The following PRDM16 variants were observed in gnomAD, a reference collection of about 807,000 sequenced individuals.
PRDM16 encodes PR/SET domain 16, also known as histone-lysine N-methyltransferase PRDM16.
A neutral mutation model predicts 110.6 loss-of-function variants in PRDM16; 23 were observed. That is an observed-to-expected ratio of 0.21 (90% CI 0.15 to 0.29). PRDM16 has a LOEUF of 0.29. PRDM16 is among the 10% of genes least tolerant of loss of function. The probability of loss-of-function intolerance (pLI) is 1.00; values close to 1 mark genes in which losing one functional copy is unlikely to be tolerated. For missense variants in PRDM16, 1,615 were observed against 1,794.3 expected (o/e 0.90, Z 1.81); for synonymous variants, 799 against 781.8 (o/e 1.02, Z -0.37).
At chr1:3,127,660 C>T (rs1028337492) in intron 1 of PRDM16, among the ~76,000 whole-genome samples, 5 of 152,386 alleles carry the variant, frequency 3.3e-5, no homozygotes, top group South Asian at 2.1e-4. Context: ...GTGCCCAGGA[C>T]AGTAGGACGA....
chr1:3,349,306 A>G (rs1642430212), intron 3 of PRDM16, among the ~76,000 whole-genome samples: 4 of 152,120 alleles, frequency 2.6e-5, no homozygotes. Context: ...ACGGGGCCGC[A>G]CCGGCACGCT....
chr1:3,181,854 ACACACG>A (rs1644210463), intron 1 of PRDM16, among the ~76,000 whole-genome samples: 1 of 96,534 alleles, frequency 1.0e-5, no homozygotes, highest in South Asian at 3.5e-4. Flanking sequence ...ACACGGTCTT[ACACACG>A]CAGTCTTACA....
chr1:3,292,288 G>T (rs1640992411), intron 3 of PRDM16, among the ~76,000 whole-genome samples: 1 of 152,260 alleles, frequency 6.6e-6, no homozygotes, highest in South Asian at 2.1e-4. Flanking sequence ...CCAGAGCAGA[G>T]CCGAGGTGAT....
At chr1:3,146,154 G>C (rs538983809) in intron 1 of PRDM16, among the ~76,000 whole-genome samples, 8 of 152,176 alleles carry the variant, frequency 5.3e-5, no homozygotes, top group African/African-American at 1.9e-4. Flanking sequence ...TCCAGCCCCC[G>C]CACATTTGGG....
At chr1:3,291,816 G>T (rs966369499) in intron 3 of PRDM16, among the ~76,000 whole-genome samples, 6 of 152,222 alleles carry the variant, frequency 3.9e-5, no homozygotes, top group Admixed American at 3.9e-4. Flanking sequence ...GACCCACTGG[G>T]TTGGACATAG....
rs773273847 is a variant in PRDM16 at position 3,069,320 on chromosome 1, GCC to G, written c.37+25_37+26del. ...AAGTAAGTCTCCCGCGCTCGGCCGCGCCGCGCCGCCGGGGCCCGGGCCGCCGG... is the reference window on the plus strand; with the variant it reads ...AAGTAAGTCTCCCGCGCTCGGCCGCGGCGCCGCCGGGGCCCGGGCCGCCGG... On this transcript the variant is annotated intron_variant, in intron 1 of 16. Transcript: ENST00000270722. This position sits in a 1 kb window ranked among gnomAD's most constrained non-coding sequence, Gnocchi z 6.1. 1.6e-6 allele frequency: 2 copies of G among 1,274,256 alleles called. No homozygotes were observed. Among genetic ancestry groups the G allele is most frequent in the Non-Finnish European group, 2.0e-6 (2 of 985,312 alleles). The allele number at this position is 1,274,256 out of a possible 1,614,324, so 78.9% of individuals were successfully genotyped here. A position where few individuals can be genotyped will look rare whatever the true frequency, so the allele number is the denominator to read the frequency against.
At chr1:3,155,217 G>C (rs1190836825) in intron 1 of PRDM16, among the ~76,000 whole-genome samples, 1 of 152,256 alleles carries the variant, frequency 6.6e-6, no homozygotes, top group Non-Finnish European at 1.5e-5. Flanking sequence ...GAGGCGTCCA[G>C]AGCTGGCTCA....
chr1:3,402,796 C>G lies in PRDM16; in HGVS notation c.682C>G (p.Pro228Ala), dbSNP rs1182820916. The change falls in exon 6 of 17, where the codon CCC becomes GCC. Residue 228 changes from proline (P) to alanine (A), a missense_variant. By Grantham distance (27) the Pro-to-Ala change is conservative. Coordinates refer to ENST00000270722, the MANE Select transcript of PRDM16 (RefSeq NM_022114.4). ...GTVPPGLDEE[P>A]TFRCDECDEL... ...CCTCGTTCTCTCTCTTGCAGAGGAG[C>G]CCACGTTCCGCTGTGACGAGTGTGA... 2 of 1,610,614 alleles carry G rather than the reference C, an allele frequency of 1.2e-6. No individual in the cohort carries two copies. Among genetic ancestry groups the G allele is most frequent in the Non-Finnish European group, 1.7e-6 (2 of 1,177,932 alleles).
chr1:3,216,263 C>A (rs1423999920), intron 2 of PRDM16, among the ~76,000 whole-genome samples: 1 of 152,104 alleles, frequency 6.6e-6, no homozygotes, highest in African/African-American at 2.4e-5. Context: ...AGATGCTGAA[C>A]CAGCCATGTT....
chr1:3,222,234 C>G (rs1318667863), intron 2 of PRDM16, among the ~76,000 whole-genome samples: 1 of 148,750 alleles, frequency 6.7e-6, no homozygotes, highest in Non-Finnish European at 1.5e-5. Flanking sequence ...ACCCACCCAG[C>G]CCAGCCTCCC....
At chr1:3,270,879 G>C (rs1640437343) in intron 3 of PRDM16, among the ~76,000 whole-genome samples, 2 of 151,932 alleles carry the variant, frequency 1.3e-5, no homozygotes, top group African/African-American at 4.8e-5. Flanking sequence ...GACAGTCCAG[G>C]AGGAGGACCG....
At chr1:3,226,776 C>T (rs1034581799) in intron 2 of PRDM16, among the ~76,000 whole-genome samples, 17 of 152,166 alleles carry the variant, frequency 1.1e-4, no homozygotes, top group African/African-American at 3.6e-4. Flanking sequence ...TGCACGCCTT[C>T]GCAGGACTGG....
intron 14 of PRDM16, 65 bp from the exon 15 acceptor site, chr1:3,430,806 CT>C (rs1245716553): frequency 6.3e-7 from 1 of 1,579,846 alleles, no homozygotes; most frequent in East Asian, 2.2e-5. Flanking sequence ...AGTCACCAGC[CT>C]TTGGGGGTCC....
chr1:3,103,992 C>G (rs758824019), intron 1 of PRDM16, among the ~76,000 whole-genome samples: 1 of 152,240 alleles, frequency 6.6e-6, no homozygotes, highest in Non-Finnish European at 1.5e-5. Flanking sequence ...TAAAACCCAG[C>G]AGCTTTCCAT....
chr1:3,280,177 G>A (rs375512236), intron 3 of PRDM16, among the ~76,000 whole-genome samples: 16 of 152,292 alleles, frequency 1.1e-4, no homozygotes, highest in East Asian at 3.9e-4. Context: ...TGGCTGCCCC[G>A]AGCTGGTCAC....
At chr1:3,345,619 A>G (rs1642344655) in intron 3 of PRDM16, among the ~76,000 whole-genome samples, 1 of 152,186 alleles carries the variant, frequency 6.6e-6, no homozygotes, top group African/African-American at 2.4e-5. Flanking sequence ...GGCAAATCCC[A>G]TGTTCTTCCC....
At chr1:3,408,692 G>A (rs1643606515) in intron 8 of PRDM16, among the ~76,000 whole-genome samples, 1 of 150,468 alleles carries the variant, frequency 6.6e-6, no homozygotes, top group African/African-American at 2.4e-5. Flanking sequence ...ACGTGAGCCG[G>A]TGCATGTGTT....
intron 3 of PRDM16, among the ~76,000 whole-genome samples, chr1:3,326,378 T>C (rs1641910307): frequency 6.6e-6 from 1 of 152,252 alleles, no homozygotes; most frequent in African/African-American, 2.4e-5. Flanking sequence ...AAGATGCTTT[T>C]TCCAGAAAAG....
At chr1:3,075,111 C>T (rs762995985) in intron 1 of PRDM16, among the ~76,000 whole-genome samples, 4 of 152,238 alleles carry the variant, frequency 2.6e-5, no homozygotes, top group Non-Finnish European at 4.4e-5. Context: ...CCCGCCTGGC[C>T]GGCCTAGCCT....
Sources: gnomAD v4.1 joint callset for allele counts (sites outside exome capture counted in the v4.1 genomes callset) on GRCh38, gnomAD v4.1.1 for gene constraint, Gnocchi (gnomAD v3.1) non-coding constraint, MANE v1.5 for transcripts, NCBI Gene and HGNC (gene_info 2026-07-23, HGNC 2026-07-21) for gene names.